Variants in CEP112 observed in about 807,000 individuals in gnomAD.
The protein encoded by CEP112 is centrosomal protein 112, also known as centrosomal protein of 112 kDa.
CEP112 carries 127 observed loss-of-function variants against 153.0 expected under a neutral mutation model. The ratio of observed to expected loss-of-function variants is 0.83; its 90% CI spans 0.72 to 0.96. The LOEUF is 0.96. Ranked by LOEUF, CEP112 falls within the 40% of genes least tolerant of loss-of-function variation. CEP112 has a pLI of 0.00. For synonymous variants in CEP112, 358 were observed against 374.4 expected, an observed-to-expected ratio of 0.96 and a Z score of 0.51; for missense variants, 1,089 against 1,101.2, an observed-to-expected ratio of 0.99 and a Z score of 0.16.
chr17:65,970,172 A>G (rs758552163), intron 17 of CEP112, among the ~76,000 whole-genome samples: 3 of 152,178 alleles, frequency 2.0e-5, no homozygotes, highest in Non-Finnish European at 2.9e-5. Flanking sequence ...CATGCATATT[A>G]CATTTGTATT....
intron 6 of CEP112, among the ~76,000 whole-genome samples, chr17:66,105,161 G>A (rs1050510216): frequency 6.6e-6 from 1 of 152,124 alleles, no homozygotes; most frequent in African/African-American, 2.4e-5. Context: ...GAAGTGTAGA[G>A]TTTTTATTAG....
chr17:65,844,250 T>C lies in CEP112; in HGVS notation c.2394+7554A>G, dbSNP rs141790305. 8.3e-3 allele frequency among the ~76,000 whole-genome samples: 1,258 copies of C among 152,336 alleles called. 14 individuals are homozygous for C. The highest frequency in any genetic ancestry group is 0.02 in the South Asian group (96 of 4,832). ...TAAGTAGATACTCTACTGAAGTAAA[T>C]ATACATTAGTATAAACTTTCTGAAA... On this transcript the variant is annotated intron_variant, in intron 21 of 26. Transcript: ENST00000535342.
At chr17:66,000,503 A>AAAAG (rs2063990831) in intron 17 of CEP112, among the ~76,000 whole-genome samples, 1 of 151,824 alleles carries the variant, frequency 6.6e-6, no homozygotes, top group Admixed American at 6.6e-5. Context: ...AAAAAAAAAA[A>AAAAG]AAAAGGATAA....
chr17:65,970,387 A>AAAT lies in CEP112; in HGVS notation c.1737-8790_1737-8789insATT, dbSNP rs1212957049. Among the ~76,000 whole-genome samples, 4 of 60,658 alleles carry AAAT rather than the reference A, an allele frequency of 6.6e-5. 1 individual carries two copies. The highest frequency in any genetic ancestry group is 1.8e-4 in the African/African-American group (4 of 22,784). The allele number at this position is 60,658 out of a possible 152,430, so 39.8% of individuals were successfully genotyped here. On this transcript the variant is annotated intron_variant, in intron 17 of 26. Coordinates refer to ENST00000535342, the MANE Select transcript of CEP112 (RefSeq NM_001199165.4). ...TATTACATGCACACATCATGCATAT[A>AAAT]TATTACATGCATGCACACATCATGC...
chr17:65,731,553 A>T (rs1567931283), intron 23 of CEP112, among the ~76,000 whole-genome samples: 1 of 152,152 alleles, frequency 6.6e-6, no homozygotes, highest in Non-Finnish European at 1.5e-5. Flanking sequence ...TTTCTTAAAC[A>T]AGATAAAAAT....
intron 16 of CEP112, among the ~76,000 whole-genome samples, chr17:66,018,932 G>C (rs1289578383): frequency 6.6e-6 from 1 of 152,138 alleles, no homozygotes; most frequent in African/African-American, 2.4e-5. Flanking sequence ...TTATCTGTAG[G>C]GGGCAGGTGT....
At chr17:66,167,063 G>C (rs230566) in intron 4 of CEP112, among the ~76,000 whole-genome samples, 151,873 of 152,358 alleles carry the variant, frequency 1, 75,696 homozygotes, top group Middle Eastern at 1. Context: ...TTTTAAAATA[G>C]AATTACCATT....
At chr17:65,707,763 A>T (rs1013548625) in intron 23 of CEP112, among the ~76,000 whole-genome samples, 1 of 152,262 alleles carries the variant, frequency 6.6e-6, no homozygotes, top group African/African-American at 2.4e-5. Flanking sequence ...TGTTTTACAA[A>T]GAAAAACTCT....
At chr17:65,754,159 T>G (rs1332689429) in intron 21 of CEP112, among the ~76,000 whole-genome samples, 2 of 152,156 alleles carry the variant, frequency 1.3e-5, no homozygotes, top group African/African-American at 2.4e-5. Context: ...CTTTATAATT[T>G]TAAAAATACT....
chr17:65,860,239 A>G (rs888369126), intron 20 of CEP112, among the ~76,000 whole-genome samples: 14 of 152,174 alleles, frequency 9.2e-5, no homozygotes, highest in Admixed American at 4.6e-4. Flanking sequence ...TAAGCCTATC[A>G]AAAGATGTGC....
At chr17:65,931,095 C>G (rs1599050794) in intron 18 of CEP112, among the ~76,000 whole-genome samples, 1 of 152,132 alleles carries the variant, frequency 6.6e-6, no homozygotes, top group East Asian at 1.9e-4. Flanking sequence ...TATGGCAAGT[C>G]TTTCTTTTGT....
At position 65,774,474 on chromosome 17, in the gene CEP112, T is replaced by C. The variant is rs530865653; in HGVS notation, c.2395-23750A>G. The stretch of plus-strand genomic sequence containing the variant: ...CAGGGATGAGCTTGGCAGCGTGTGT[T>C]CAAGCTGGCCAACAAGACTGCAGGA... On this transcript the variant is annotated intron_variant, in intron 21 of 26. Coordinates refer to ENST00000535342, the MANE Select transcript of CEP112 (RefSeq NM_001199165.4). Among the ~76,000 whole-genome samples, 19 of 152,228 alleles carry C rather than the reference T, an allele frequency of 1.2e-4. No homozygotes were observed. In the South Asian group the frequency reaches 3.9e-3, roughly 32 times the overall value.
intron 23 of CEP112, 58 bp from the exon 24 acceptor site, chr17:65,689,276 C>T (rs1487180249): frequency 7.0e-6 from 9 of 1,280,980 alleles, no homozygotes; most frequent in Non-Finnish European, 1.0e-5. Flanking sequence ...AAAAATAGTT[C>T]TACACCATGA....
intron 20 of CEP112, among the ~76,000 whole-genome samples, chr17:65,879,852 C>CA (rs777426324): frequency 0.015 from 1,131 of 74,784 alleles, 3 homozygotes; most frequent in South Asian, 0.026. Context: ...AAAAAATTTG[C>CA]AAAAAAAAAA....
chr17:66,006,190 C>T (rs2064266113), intron 16 of CEP112, among the ~76,000 whole-genome samples: 1 of 152,112 alleles, frequency 6.6e-6, no homozygotes, highest in East Asian at 1.9e-4. Flanking sequence ...ATTTGTATAA[C>T]TATTTACTGA....
In CEP112 at chr17:65,920,125, A is replaced by C. The variant is rs916250683; in HGVS notation, c.1980+7457T>G. On this transcript the variant is annotated intron_variant, in intron 19 of 26. Transcript: ENST00000535342. ...TTTGGGAGGCAGAGGCAGGTGGATC[A>C]CCTGACATCAGGAGTTCGAGACCAA... is the stretch of plus-strand genomic sequence containing the variant. 1.7e-4 allele frequency among the ~76,000 whole-genome samples: 26 copies of C among 151,882 alleles called. No individual in the cohort carries two copies. The East Asian group carries it at 3.3e-3, about 20-fold the overall frequency.
intron 20 of CEP112, among the ~76,000 whole-genome samples, chr17:65,878,406 T>A (rs1473951663): frequency 3.9e-5 from 6 of 152,198 alleles, no homozygotes. Flanking sequence ...TTTAAAAGTC[T>A]GCTTTTAGTG....
At chr17:65,993,797 A>G (rs1333130352) in intron 17 of CEP112, among the ~76,000 whole-genome samples, 1 of 152,168 alleles carries the variant, frequency 6.6e-6, no homozygotes, top group Admixed American at 6.5e-5. Context: ...ATAGATAAAA[A>G]GTGAAAATAG....
intron 17 of CEP112, among the ~76,000 whole-genome samples, chr17:65,986,325 A>C (rs1431862517): frequency 6.6e-6 from 1 of 152,212 alleles, no homozygotes; most frequent in Non-Finnish European, 1.5e-5. Flanking sequence ...AAGCAAATGT[A>C]AATTAGCTTC....
Sources: gnomAD v4.1 joint callset for allele counts (sites outside exome capture counted in the v4.1 genomes callset) on GRCh38, gnomAD v4.1.1 for gene constraint, MANE v1.5 for transcripts, NCBI Gene and HGNC (gene_info 2026-07-23, HGNC 2026-07-21) for gene names.